Variants in CDKL3 observed in about 807,000 individuals in gnomAD.
CDKL3 encodes cyclin-dependent kinase-like 3.
Under a neutral mutation model 69.3 loss-of-function variants are expected in CDKL3, and 65 were observed. The observed-to-expected ratio is 0.94, with a 90% confidence interval of 0.77 to 1.15. CDKL3 has a LOEUF of 1.15. Ranked by LOEUF, CDKL3 falls within the 50% of genes most tolerant of loss-of-function variation. The probability of loss-of-function intolerance (pLI) is 0.00; values close to 1 mark genes in which losing one functional copy is unlikely to be tolerated. For synonymous variants in CDKL3, 202 were observed against 221.6 expected (o/e 0.91, Z 0.79); for missense variants, 652 against 689.2 (o/e 0.95, Z 0.61).
chr5:134,318,938 G>C (rs1771943745), intron 6 of CDKL3: 1 of 152,406 alleles, frequency 6.6e-6, no homozygotes, highest in Non-Finnish European at 1.5e-5. Context: ...ATTACTTTAG[G>C]AATCCTTTTG....
chr5:134,296,677 CTGGCTCATGCT>C (rs1765365703), downstream of CDKL3, among the ~76,000 whole-genome samples: 1 of 151,962 alleles, frequency 6.6e-6, no homozygotes, highest in Non-Finnish European at 1.5e-5. Flanking sequence ...TCAAGGCGTG[CTGGCTCATGCT>C]TGTAATCCCA....
upstream of CDKL3, among the ~76,000 whole-genome samples, chr5:134,368,028 C>T (rs1222021446): frequency 6.6e-6 from 1 of 152,162 alleles, no homozygotes; most frequent in African/African-American, 2.4e-5. Context: ...AGCGAAATCT[C>T]GCTATGCTTC....
chr5:134,344,453 G>C (rs1386148479), intron 4 of CDKL3, among the ~76,000 whole-genome samples: 3 of 151,996 alleles, frequency 2.0e-5, no homozygotes, highest in Admixed American at 1.3e-4. Context: ...ATAATAAAAA[G>C]ACAACTCATT....
intron 4 of CDKL3, among the ~76,000 whole-genome samples, chr5:134,329,507 T>G (rs892117754): frequency 1.3e-5 from 2 of 151,956 alleles, no homozygotes; most frequent in Non-Finnish European, 2.9e-5. Flanking sequence ...AGAGTCTCGC[T>G]CTGTCGCCCA....
intron 3 of CDKL3, among the ~76,000 whole-genome samples, chr5:134,357,183 C>T (rs1350108064): frequency 6.6e-6 from 1 of 152,050 alleles, no homozygotes; most frequent in Non-Finnish European, 1.5e-5. Flanking sequence ...CGGTGGCTCA[C>T]GCCTGTAATC....
chr5:134,308,850 T>C, intron 7 of CDKL3, 123 bp from the exon 8 acceptor site: 1 of 845,568 alleles, frequency 1.2e-6, no homozygotes, highest in Non-Finnish European at 1.7e-6. Flanking sequence ...ATGCTAACTA[T>C]AATGCATGTC....
At chr5:134,295,269 G>A (rs546808146), downstream of CDKL3, among the ~76,000 whole-genome samples, 12 of 151,980 alleles carry the variant, frequency 7.9e-5, no homozygotes, top group South Asian at 4.2e-4. Flanking sequence ...TGCCTGCCTC[G>A]GCCTCCTGAA....
intron 12 of CDKL3, among the ~76,000 whole-genome samples, chr5:134,301,150 A>T (rs1454143940): frequency 1.3e-5 from 2 of 152,100 alleles, no homozygotes; most frequent in African/African-American, 4.8e-5. Context: ...GGCATGAGCC[A>T]CCACACCCAG....
At chr5:134,303,209 A>G (rs1766800290) in intron 11 of CDKL3, among the ~76,000 whole-genome samples, 1 of 151,554 alleles carries the variant, frequency 6.6e-6, no homozygotes. Flanking sequence ...TTCCTGCCTC[A>G]GCCTCCCAAG....
Position 134,302,619 on chromosome 5 carries a change from TAAGTA to T in CDKL3, c.1685_1689del (p.Leu562Ter), listed in dbSNP as rs1158478684. 2 of 1,599,408 alleles carry T rather than the reference TAAGTA, an allele frequency of 1.3e-6. No homozygotes were observed. Among genetic ancestry groups the T allele is most frequent in the Non-Finnish European group, 1.7e-6 (2 of 1,170,988 alleles). On this transcript the variant is annotated frameshift_variant, in exon 12 of 13. Coordinates refer to ENST00000265334, the MANE Select transcript of CDKL3 (RefSeq NM_001113575.2). LOFTEE classifies it high-confidence loss of function. ...TGTTTTTCTTGATTTTGATCCACGT[TAAGTA>T]AAGTTGGTATCTTAGATGACTCTGT...
intron 6 of CDKL3, among the ~76,000 whole-genome samples, chr5:134,315,869 T>C (rs190018339): frequency 1.0e-3 from 154 of 152,180 alleles, no homozygotes; most frequent in South Asian, 6.4e-3. Flanking sequence ...AGGATATAAA[T>C]AAGAAAAATA....
In CDKL3 at chr5:134,304,539, T is replaced by C. The variant is rs757325448; in HGVS notation, c.1487A>G (p.Glu496Gly). The C allele has an allele frequency of 6.2e-7, 1 of 1,610,462 alleles. No homozygotes were observed. Among genetic ancestry groups the C allele is most frequent in the African/African-American group, 1.3e-5 (1 of 74,914 alleles). The change falls in exon 11 of 13, where the codon GAG (glutamate) becomes GGG (glycine). Residue 496 changes from glutamate to glycine, a missense_variant. Coordinates refer to ENST00000265334, the MANE Select transcript of CDKL3 (RefSeq NM_001113575.2). ...QSQMEKGIFNERTGHSDQMAN... is the reference protein window; with the variant it reads ...QSQMEKGIFNGRTGHSDQMAN... ...CATTTGGTCACTGTGACCTGTTCGC[T>C]CATTAAATATACCCTTCTCCATTTG...
At chr5:134,346,361 G>A (rs1455989069) in intron 4 of CDKL3, among the ~76,000 whole-genome samples, 1 of 152,152 alleles carries the variant, frequency 6.6e-6, no homozygotes, top group Admixed American at 6.5e-5. Flanking sequence ...TTCTCCCTGG[G>A]TCTTTGGGTT....
At chr5:134,369,602 G>A (rs1435153145), upstream of CDKL3, among the ~76,000 whole-genome samples, 1 of 55,000 alleles carries the variant, frequency 1.8e-5, no homozygotes, top group Non-Finnish European at 9.2e-5. Flanking sequence ...TGGTTGTTGC[G>A]GGATTTTTTT....
upstream of CDKL3, chr5:134,371,183 C>T: frequency 3.6e-6 from 1 of 275,952 alleles, no homozygotes; most frequent in Non-Finnish European, 7.0e-6. Flanking sequence ...CGGATGCGTC[C>T]CTCTTTCTCC....
intron 4 of CDKL3, among the ~76,000 whole-genome samples, chr5:134,346,607 C>T (rs952635693): frequency 6.6e-6 from 1 of 152,168 alleles, no homozygotes; most frequent in Non-Finnish European, 1.5e-5. Flanking sequence ...AGCGTTTTTC[C>T]TGCCTCAGTC....
chr5:134,339,263 A>C (rs182210768), intron 4 of CDKL3, among the ~76,000 whole-genome samples: 1 of 152,328 alleles, frequency 6.6e-6, no homozygotes, highest in East Asian at 1.9e-4. Context: ...GGGGGAAAAA[A>C]ACCTCATGAT....
intron 6 of CDKL3, among the ~76,000 whole-genome samples, chr5:134,318,475 C>G (rs1771780387): frequency 6.6e-6 from 1 of 151,698 alleles, no homozygotes; most frequent in Non-Finnish European, 1.5e-5. Flanking sequence ...TAGAATTTCT[C>G]CAGTTTTTTG....
At chr5:134,371,473 T>TCGGCGGCGGCGG (rs34763898), upstream of CDKL3, 635 of 1,143,944 alleles carry the variant, frequency 5.6e-4, no homozygotes, top group African/African-American at 1.9e-3. Flanking sequence ...TTTGTCAGTC[T>TCGGCGGCGGCGG]CGGCGGCGGC....
Sources: allele counts gnomAD v4.1 joint callset (sites outside exome capture counted in the v4.1 genomes callset), GRCh38; gene constraint gnomAD v4.1.1; transcripts MANE v1.5; gene names NCBI Gene and HGNC (gene_info 2026-07-23, HGNC 2026-07-21).